OSTN: variants seen among roughly 807,000 people sequenced by gnomAD.
OSTN encodes osteocrin.
Under a neutral mutation model 12.0 loss-of-function variants are expected in OSTN, and 9 were observed. That is an observed-to-expected ratio of 0.75 (90% CI 0.45 to 1.30). The LOEUF (loss-of-function observed/expected upper bound fraction) is 1.30, where lower values mean the gene tolerates loss of function less well. Among genes scored for constraint, OSTN ranks in the 50% most tolerant of loss-of-function variants. The pLI, the probability that OSTN is intolerant of heterozygous loss-of-function variation, is 0.00. For missense variants in OSTN, 148 were observed against 152.3 expected, an observed-to-expected ratio of 0.97 and a Z score of 0.15; for synonymous variants, 59 against 56.9, an observed-to-expected ratio of 1.04 and a Z score of -0.16.
chr3:191,219,281 T>C (rs944728419), intron 3 of OSTN, among the ~76,000 whole-genome samples: 26 of 152,206 alleles, frequency 1.7e-4, no homozygotes, highest in African/African-American at 5.3e-4. Context: ...GTGGCATAAA[T>C]GTTCTGGTGA....
chr3:191,234,104 T>C (rs1715128788), intron 3 of OSTN, among the ~76,000 whole-genome samples: 1 of 152,222 alleles, frequency 6.6e-6, no homozygotes, highest in African/African-American at 2.4e-5. Flanking sequence ...TAGTGCTCTA[T>C]ATTTGAATTC....
intron 4 of OSTN, among the ~76,000 whole-genome samples, chr3:191,260,499 C>G (rs551383495): frequency 3.9e-5 from 6 of 152,254 alleles, no homozygotes; most frequent in African/African-American, 1.4e-4. Context: ...GAGGGGGGTG[C>G]CAGTAATCTG....
chr3:191,257,570 T>C (rs1209780310), intron 4 of OSTN, among the ~76,000 whole-genome samples: 5 of 152,148 alleles, frequency 3.3e-5, no homozygotes, highest in Non-Finnish European at 1.5e-5. Context: ...ACCCTCATCA[T>C]GGGCATCTGT....
chr3:191,204,770 ATAATT>A (rs1312533499), intron 1 of OSTN, among the ~76,000 whole-genome samples: 2 of 152,310 alleles, frequency 1.3e-5, no homozygotes, highest in African/African-American at 4.8e-5. Context: ...ATGACAAACT[ATAATT>A]TATCCTTTTG....
rs1714688979 is a variant in OSTN at position 191,218,799 on chromosome 3, A to G, written c.155A>G (p.Glu52Gly). 1 of 1,614,138 alleles carries G rather than the reference A, an allele frequency of 6.2e-7. No individual in the cohort carries two copies. The highest frequency in any genetic ancestry group is 8.5e-7 in the Non-Finnish European group (1 of 1,179,994). The change falls in exon 3 of 5, where the codon GAG (glutamate) becomes GGG (glycine). Residue 52 changes from glutamate to glycine, a missense_variant. By Grantham distance (98) the Glu-to-Gly change is moderately conservative. Transcript: ENST00000682035. ...CAGTCAACACCCACAGTCAGGGAAG[A>G]GAAATCAGCCACTGACCTGACAGCA... ...DVQSTPTVRE[E>G]KSATDLTAKL...
Position 191,245,971 on chromosome 3 carries a change from G to A in OSTN, c.318-4066G>A, listed in dbSNP as rs191984695. On this transcript the variant is annotated intron_variant, in intron 3 of 4. Coordinates refer to ENST00000682035, the MANE Select transcript of OSTN (RefSeq NM_198184.2). ...AATCCCAGCTACTCCGGAGGCTGAG[G>A]CAGGAGAATTGCTTGAACCCGGGAG... Among the ~76,000 whole-genome samples, 123 of 149,774 alleles carry A rather than the reference G, an allele frequency of 8.2e-4. 1 individual carries two copies. Among genetic ancestry groups the A allele is most frequent in the Non-Finnish European group, 2.8e-4 (19 of 67,744 alleles).
At chr3:191,261,943 G>A (rs1297246605) in intron 4 of OSTN, among the ~76,000 whole-genome samples, 1 of 152,162 alleles carries the variant, frequency 6.6e-6, no homozygotes, top group African/African-American at 2.4e-5. Flanking sequence ...TTGGCCGGGT[G>A]CGGTGGCTCA....
At chr3:191,248,646 T>C (rs1715491141) in intron 3 of OSTN, among the ~76,000 whole-genome samples, 2 of 152,186 alleles carry the variant, frequency 1.3e-5, no homozygotes. Context: ...ATATCATTAT[T>C]GGTCAAAAAA....
chr3:191,199,506 A>G (rs955018064), intron 1 of OSTN, among the ~76,000 whole-genome samples, 199 bp downstream of exon 1: 1 of 152,134 alleles, frequency 6.6e-6, no homozygotes, highest in Non-Finnish European at 1.5e-5. Context: ...GCTTATTCAG[A>G]TATTTCATAT....
At chr3:191,243,687 T>A (rs1576936304) in intron 3 of OSTN, among the ~76,000 whole-genome samples, 1 of 152,128 alleles carries the variant, frequency 6.6e-6, no homozygotes, top group Non-Finnish European at 1.5e-5. Flanking sequence ...CCGTTTTTTG[T>A]TTTTTGTTTT....
At chr3:191,213,805 G>A (rs1714528397) in intron 2 of OSTN, among the ~76,000 whole-genome samples, 1 of 151,752 alleles carries the variant, frequency 6.6e-6, no homozygotes, top group Non-Finnish European at 1.5e-5. Flanking sequence ...TTAAAAAAAC[G>A]ATTGTGTAGT....
chr3:191,200,586 C>G lies in OSTN; in HGVS notation c.-1+1279C>G, dbSNP rs375992129. 5.7e-4 allele frequency among the ~76,000 whole-genome samples: 87 copies of G among 152,114 alleles called. 2 individuals carry two copies. The highest frequency in any genetic ancestry group is 2.0e-3 in the African/African-American group (84 of 41,518). ...CTAGCTCTGCTATAATCCACCTATA[C>G]AACTGCAGGCAAGCCTTAAGCACGA... On this transcript the variant is annotated intron_variant, in intron 1 of 4. Coordinates refer to ENST00000682035, the MANE Select transcript of OSTN (RefSeq NM_198184.2).
intron 3 of OSTN, among the ~76,000 whole-genome samples, chr3:191,227,564 T>C (rs1350212739): frequency 6.6e-6 from 1 of 152,202 alleles, no homozygotes; most frequent in Non-Finnish European, 1.5e-5. Flanking sequence ...TAGAACCATT[T>C]TTATAAACTT....
intron 2 of OSTN, 76 bp from the exon 3 acceptor site, chr3:191,218,671 C>A: frequency 8.2e-7 from 1 of 1,213,294 alleles, no homozygotes; most frequent in Non-Finnish European, 1.2e-6. Flanking sequence ...CTAACAGTAG[C>A]AAAAGCCAGA....
intron 1 of OSTN, among the ~76,000 whole-genome samples, chr3:191,203,896 A>T (rs1010569841): frequency 6.6e-6 from 1 of 152,008 alleles, no homozygotes; most frequent in Non-Finnish European, 1.5e-5. Flanking sequence ...TTATTTATTT[A>T]TTTATTTTGA....
At chr3:191,216,046 C>T (rs930972306) in intron 2 of OSTN, among the ~76,000 whole-genome samples, 2 of 152,226 alleles carry the variant, frequency 1.3e-5, no homozygotes, top group African/African-American at 2.4e-5. Context: ...GCCTGTACAT[C>T]CAGGTATTTC....
At chr3:191,221,137 G>A (rs1283462791) in intron 3 of OSTN, among the ~76,000 whole-genome samples, 1 of 152,152 alleles carries the variant, frequency 6.6e-6, no homozygotes, top group Non-Finnish European at 1.5e-5. Flanking sequence ...CCACCATGTG[G>A]AGAAGGACAT....
intron 4 of OSTN, among the ~76,000 whole-genome samples, chr3:191,262,041 ACC>A (rs1239781955): frequency 6.6e-6 from 1 of 152,162 alleles, no homozygotes; most frequent in African/African-American, 2.4e-5. Context: ...ACATGGTGAA[ACC>A]TCATCTCTAC....
At chr3:191,212,271 GGTCA>G (rs1714477693) in intron 1 of OSTN, among the ~76,000 whole-genome samples, 1 of 152,026 alleles carries the variant, frequency 6.6e-6, no homozygotes, top group South Asian at 2.1e-4. Flanking sequence ...TCATATTGTG[GGTCA>G]GTTTGAATTA....
Sources: allele counts gnomAD v4.1 joint callset (sites outside exome capture counted in the v4.1 genomes callset), GRCh38; gene constraint gnomAD v4.1.1; transcripts MANE v1.5; gene names NCBI Gene and HGNC (gene_info 2026-07-23, HGNC 2026-07-21).